The following KCNQ4 variants were observed in gnomAD, a reference collection of about 807,000 sequenced individuals.
The protein encoded by KCNQ4 is potassium voltage-gated channel subfamily KQT member 4.
KCNQ4 carries 31 observed loss-of-function variants against 72.6 expected under a neutral mutation model. That is an observed-to-expected ratio of 0.43 (90% CI 0.32 to 0.58). The LOEUF (loss-of-function observed/expected upper bound fraction) is 0.58. Among genes scored for constraint, KCNQ4 ranks in the 20% least tolerant of loss-of-function variants. The pLI is 0.08. For missense variants in KCNQ4, 869 were observed against 962.6 expected, an observed-to-expected ratio of 0.90 and a Z score of 1.29; for synonymous variants, 405 against 403.7, an observed-to-expected ratio of 1.00 and a Z score of -0.04.
intron 1 of KCNQ4, among the ~76,000 whole-genome samples, chr1:40,798,245 G>A (rs1176751333): frequency 6.6e-6 from 1 of 152,168 alleles, no homozygotes; most frequent in African/African-American, 2.4e-5. Flanking sequence ...CATCTTAGTT[G>A]TCTCCAATGA....
chr1:40,783,954 G>A lies in KCNQ4; in HGVS notation c.-140G>A, dbSNP rs1476338755. ...GAGCGCCCGCCCGCGGCCCCGGCCC[G>A]GCCCCTAGCCCCCGCCGCCCGCGCC... is the stretch of plus-strand genomic sequence containing the variant. On this transcript the variant is annotated 5_prime_UTR_variant, in exon 1 of 14. Coordinates refer to ENST00000347132, the MANE Select transcript of KCNQ4 (RefSeq NM_004700.4). The surrounding 1 kb of genome is among the most constrained non-coding windows in gnomAD (Gnocchi z 4.4). 6.8e-6 allele frequency: 1 copy of A among 147,224 alleles called. No individual in the cohort carries two copies. Among genetic ancestry groups the A allele is most frequent in the Non-Finnish European group, 1.5e-5 (1 of 65,866 alleles). The allele number at this position is 147,224 out of a possible 1,614,324, so 9.1% of individuals were successfully genotyped here.
At chr1:40,822,939 A>G (rs555645217) in intron 8 of KCNQ4, among the ~76,000 whole-genome samples, 1 of 152,276 alleles carries the variant, frequency 6.6e-6, no homozygotes, top group East Asian at 1.9e-4. Context: ...CTAAGACTGC[A>G]TGGGGGTGGC....
intron 1 of KCNQ4, among the ~76,000 whole-genome samples, chr1:40,809,893 C>A (rs1405547356): frequency 6.6e-6 from 1 of 151,976 alleles, no homozygotes; most frequent in Non-Finnish European, 1.5e-5. Flanking sequence ...GGTGAAACCC[C>A]GTCTCTACTA....
chr1:40,800,713 T>C (rs1647546915), intron 1 of KCNQ4, among the ~76,000 whole-genome samples: 1 of 152,192 alleles, frequency 6.6e-6, no homozygotes, highest in South Asian at 2.1e-4. Flanking sequence ...CTGGGGGTTG[T>C]GGAGGAGCCA....
At chr1:40,802,104 C>T (rs149700452) in intron 1 of KCNQ4, among the ~76,000 whole-genome samples, 61 of 152,254 alleles carry the variant, frequency 4.0e-4, no homozygotes, top group South Asian at 2.5e-3. Context: ...TTATTCCGCA[C>T]TATCTGTATG....
intron 10 of KCNQ4, 116 bp from the exon 11 acceptor site, chr1:40,832,898 T>C (rs1648692957): frequency 1.3e-6 from 1 of 788,288 alleles, no homozygotes; most frequent in Admixed American, 1.8e-5. Flanking sequence ...CTGAGCCCTT[T>C]CTGGGCCTCT....
chr1:40,784,295 G>A lies in KCNQ4; in HGVS notation c.202G>A (p.Ala68Thr), dbSNP rs756211540. The A allele has an allele frequency of 3.8e-6, 6 of 1,587,430 alleles. No homozygotes were observed. In the East Asian group the frequency reaches 7.0e-5, roughly 19 times the overall value. Residue 68 changes from alanine to threonine, a missense_variant, in exon 1 of 14, where the codon GCC becomes ACC. By Grantham distance (58) the Ala-to-Thr change is moderately conservative. Coordinates refer to ENST00000347132, the MANE Select transcript of KCNQ4 (RefSeq NM_004700.4). This position sits in a 1 kb window ranked among gnomAD's most constrained non-coding sequence, Gnocchi z 4.1. ...LPGPGSGSGS[A>T]CGQRSSAAHK... ...TGGGCCGGGCTCCGGCTCGGGCTCC[G>A]CCTGCGGCCAGCGCTCCTCGGCCGC... is the stretch of plus-strand genomic sequence containing the variant.
Position 40,835,011 on chromosome 1 carries a change from T to G in KCNQ4, c.1658T>G (p.Leu553Arg). The change falls in exon 12 of 14, where the codon CTG (leucine) becomes CGG (arginine). Residue 553 changes from leucine (L) to arginine (R), a missense_variant. Physicochemically the swap from Leu to Arg is moderately radical, Grantham distance 102 (BLOSUM62 -2). This residue lies in a region of KCNQ4 where 480 missense variants were observed against 501.9 expected (regional missense o/e 0.96). Transcript: ENST00000347132. ...GCCAAAAGGAAATTCAAGGAGACAC[T>G]GCGACCGTACGACGTGAAGGACGTC... ...LVAKRKFKET[L>R]RPYDVKDVIE... is the part of the protein sequence containing the mutation. The G allele has an allele frequency of 6.2e-7, 1 of 1,614,058 alleles. No homozygotes were observed. The highest frequency in any genetic ancestry group is 8.5e-7 in the Non-Finnish European group (1 of 1,179,924).
At chr1:40,818,407 C>G in intron 3 of KCNQ4, 98 bp from the exon 4 acceptor site, 2 of 1,553,220 alleles carry the variant, frequency 1.3e-6, no homozygotes, top group African/African-American at 1.3e-5. Flanking sequence ...GACCCTCCCC[C>G]TCCCTCCCCA....
At chr1:40,813,703 G>A (rs1647995175) in intron 1 of KCNQ4, among the ~76,000 whole-genome samples, 1 of 152,172 alleles carries the variant, frequency 6.6e-6, no homozygotes, top group Non-Finnish European at 1.5e-5. Flanking sequence ...CTGTGGTCAA[G>A]GGGTGGGGCA....
Position 40,837,914 on chromosome 1 carries a change from C to A in KCNQ4, c.1875+120C>A. The A allele has an allele frequency of 2.9e-6, 4 of 1,376,210 alleles. No individual in the cohort carries two copies. In the South Asian group the frequency reaches 5.0e-5, roughly 17 times the overall value. 85.2% of individuals were successfully genotyped at this position (1,376,210 alleles called of 1,614,324 possible). A position where few individuals can be genotyped will look rare whatever the true frequency, so the allele number is the denominator to read the frequency against. ...AAGGGTCCCCGAGAAGACCTAAGAG[C>A]CCCCTCCCCGGCCGAAGCCCCCGCC... On this transcript the variant is annotated intron_variant, in intron 13 of 13. Coordinates refer to ENST00000347132, the MANE Select transcript of KCNQ4 (RefSeq NM_004700.4).
At chr1:40,809,320 A>G (rs749398795) in intron 1 of KCNQ4, among the ~76,000 whole-genome samples, 9 of 151,562 alleles carry the variant, frequency 5.9e-5, no homozygotes, top group Non-Finnish European at 1.3e-4. Flanking sequence ...CTCAGTCACC[A>G]CCTCTACCCT....
intron 1 of KCNQ4, among the ~76,000 whole-genome samples, chr1:40,811,065 G>A (rs1432678496): frequency 6.6e-6 from 1 of 152,148 alleles, no homozygotes; most frequent in Admixed American, 6.5e-5. Flanking sequence ...ATACGCCTCT[G>A]AACCGCCCTC....
At chr1:40,801,340 T>G (rs1647569474) in intron 1 of KCNQ4, among the ~76,000 whole-genome samples, 2 of 152,294 alleles carry the variant, frequency 1.3e-5, no homozygotes, top group African/African-American at 4.8e-5. Context: ...TCCACTGCCC[T>G]AGGTCTCCAG....
chr1:40,784,390 C>T lies in KCNQ4; in HGVS notation c.297C>T (p.Phe99=), dbSNP rs946751290. 6.8e-6 allele frequency: 11 copies of T among 1,609,198 alleles called. No individual in the cohort carries two copies. The African/African-American group carries it at 9.4e-5, about 14-fold the overall frequency. The change falls in exon 1 of 14, where the codon TTC becomes TTT. Residue 99 remains phenylalanine, a synonymous_variant. Coordinates refer to ENST00000347132, the MANE Select transcript of KCNQ4 (RefSeq NM_004700.4). The surrounding 1 kb of genome is among the most constrained non-coding windows in gnomAD (Gnocchi z 4.1). ...TGGAGCGGCCCCGCGGCTGGGCCTT[C>T]GTCTACCACGTCTTCATGTGAGTTT... ...NVLERPRGWA[F]VYHVFIFLLV... is the part of the protein sequence containing the mutation.
intron 1 of KCNQ4, among the ~76,000 whole-genome samples, chr1:40,799,620 C>G (rs530956728): frequency 6.6e-6 from 1 of 152,214 alleles, no homozygotes; most frequent in Non-Finnish European, 1.5e-5. Context: ...CCTGGCAGCA[C>G]GCCCACTGGC....
chr1:40,811,915 T>C (rs1647938367), intron 1 of KCNQ4, among the ~76,000 whole-genome samples: 1 of 152,224 alleles, frequency 6.6e-6, no homozygotes, highest in South Asian at 2.1e-4. Flanking sequence ...ATGGAGAAAC[T>C]GAGGTCCCAG....
intron 1 of KCNQ4, among the ~76,000 whole-genome samples, chr1:40,795,435 A>G (rs1241892224): frequency 6.6e-6 from 1 of 151,358 alleles, no homozygotes; most frequent in Non-Finnish European, 1.5e-5. Context: ...CTAATTTTTA[A>G]ATTTTTTGTA....
chr1:40,803,955 C>T (rs938135038), intron 1 of KCNQ4, among the ~76,000 whole-genome samples: 5 of 152,226 alleles, frequency 3.3e-5, no homozygotes, highest in East Asian at 1.9e-4. Context: ...CTGCCCTCCA[C>T]GGTGCTCCTC....
Sources: allele counts gnomAD v4.1 joint callset (sites outside exome capture counted in the v4.1 genomes callset), GRCh38; gene constraint gnomAD v4.1.1; regional missense constraint gnomAD v4.1.1; non-coding constraint Gnocchi (gnomAD v3.1); transcripts MANE v1.5; gene names NCBI Gene and HGNC (gene_info 2026-07-23, HGNC 2026-07-21).